Variants in USP10 observed in about 807,000 individuals in gnomAD.
USP10 encodes the protein ubiquitin carboxyl-terminal hydrolase 10.
A neutral mutation model predicts 84.5 loss-of-function variants in USP10; 22 were observed. That is an observed-to-expected ratio of 0.26 (90% CI 0.19 to 0.37). The LOEUF (loss-of-function observed/expected upper bound fraction) is 0.37. USP10 is among the 10% of genes least tolerant of loss of function. The pLI is 1.00. For missense variants in USP10, 1,019 were observed against 998.9 expected, an observed-to-expected ratio of 1.02 and a Z score of -0.27; for synonymous variants, 454 against 387.6, an observed-to-expected ratio of 1.17 and a Z score of -2.01.
chr16:84,753,424 C>G (rs1912164030), intron 4 of USP10, among the ~76,000 whole-genome samples: 1 of 152,120 alleles, frequency 6.6e-6, no homozygotes, highest in Admixed American at 6.5e-5. Context: ...TCTATTAGCT[C>G]TTTATTTTCT....
At chr16:84,723,819 T>G (rs1353201756) in intron 1 of USP10, among the ~76,000 whole-genome samples, 1 of 152,232 alleles carries the variant, frequency 6.6e-6, no homozygotes, top group African/African-American at 2.4e-5. Context: ...TGTAATCACC[T>G]CCACAATCAA....
chr16:84,764,837 A>G (rs995548498), intron 10 of USP10, among the ~76,000 whole-genome samples: 1 of 151,548 alleles, frequency 6.6e-6, no homozygotes, highest in Non-Finnish European at 1.5e-5. Flanking sequence ...CTCAAGAAAA[A>G]AAAAAGAAAA....
At chr16:84,763,122 AAG>A in intron 9 of USP10, 34 bp downstream of exon 9, 1 of 1,457,720 alleles carries the variant, frequency 6.9e-7, no homozygotes, top group Non-Finnish European at 9.6e-7. Context: ...AGAGTTGTGC[AAG>A]AGTTCGCTGT....
In USP10 at chr16:84,719,922, C is replaced by A. The variant is rs576123909; in HGVS notation, c.22-13513C>A. ...GATTCCTTCCTTAGCTAGTATACCA[C>A]TTTTTGCATTCTTTTATTTTCAACA... On this transcript the variant is annotated intron_variant, in intron 1 of 13. Transcript: ENST00000219473. 5.2e-4 allele frequency among the ~76,000 whole-genome samples: 79 copies of A among 152,314 alleles called. No homozygotes were observed. In the South Asian group the frequency reaches 0.016, roughly 31 times the overall value.
Position 84,745,113 on chromosome 16 carries a change from G to C in USP10, c.632G>C (p.Ser211Thr). The change falls in exon 4 of 14, where the codon AGC becomes ACC. Residue 211 changes from serine to threonine, a missense_variant. Physicochemically the swap from Ser to Thr is moderately conservative, Grantham distance 58 (BLOSUM62 1). Around this residue, in one of 2 missense-constraint regions of USP10, gnomAD observed 787 missense variants for 708.8 expected, o/e 1.11. Coordinates refer to ENST00000219473, the MANE Select transcript of USP10 (RefSeq NM_005153.3). The stretch of plus-strand genomic sequence containing the variant: ...TCAGTTACGCCCAGGACTTGTAACA[G>C]CCCCCAGAACTCCACAGACTCTGTC... ...PPSVTPRTCN[S>T]PQNSTDSVSD... The C allele has an allele frequency of 6.2e-7, 1 of 1,613,528 alleles. No individual in the cohort carries two copies. The highest frequency in any genetic ancestry group is 8.5e-7 in the Non-Finnish European group (1 of 1,179,620).
chr16:84,771,416 GCC>G (rs1914436708), intron 11 of USP10, among the ~76,000 whole-genome samples: 1 of 151,976 alleles, frequency 6.6e-6, no homozygotes, highest in South Asian at 2.1e-4. Flanking sequence ...AATCACCTGA[GCC>G]CAGGAAGTCA....
At chr16:84,773,156 G>T (rs559239284) in intron 12 of USP10, among the ~76,000 whole-genome samples, 1 of 152,264 alleles carries the variant, frequency 6.6e-6, no homozygotes. Context: ...GTCAGGTCAC[G>T]GGCTCGGCAC....
intron 2 of USP10, among the ~76,000 whole-genome samples, chr16:84,736,228 A>C (rs114977231): frequency 1.1e-4 from 17 of 152,336 alleles, no homozygotes; most frequent in African/African-American, 4.1e-4. Flanking sequence ...CGAATTTTTC[A>C]TATGCTTTTT....
intron 1 of USP10, among the ~76,000 whole-genome samples, chr16:84,722,492 C>T (rs1907941531): frequency 6.6e-6 from 1 of 152,154 alleles, no homozygotes; most frequent in East Asian, 1.9e-4. Context: ...TCAAAGCGGC[C>T]ATGCCGTTTT....
chr16:84,770,089 A>G (rs1224780147), intron 11 of USP10, among the ~76,000 whole-genome samples: 1 of 152,178 alleles, frequency 6.6e-6, no homozygotes, highest in Non-Finnish European at 1.5e-5. Flanking sequence ...AGCCTGTGCG[A>G]TAGTGAAACC....
chr16:84,750,863 G>GCAATGT (rs1160664321), intron 4 of USP10, among the ~76,000 whole-genome samples: 1 of 152,156 alleles, frequency 6.6e-6, no homozygotes, highest in East Asian at 1.9e-4. Flanking sequence ...GAGGTATCTA[G>GCAATGT]CAATGTCATT....
rs554308265 is a variant in USP10 at position 84,703,030 on chromosome 16, C to T, written c.21+2919C>T. On this transcript the variant is annotated intron_variant, in intron 1 of 13. Coordinates refer to ENST00000219473, the MANE Select transcript of USP10 (RefSeq NM_005153.3). ...AAAAAAAAAGAGCGAAACTCCATCT[C>T]AAAATAAATAAAAAAGTTTATAGGT... Among the ~76,000 whole-genome samples, 3 of 139,014 alleles carry T rather than the reference C, an allele frequency of 2.2e-5. No individual in the cohort carries two copies. In the South Asian group the frequency reaches 6.8e-4, roughly 31 times the overall value. 91.2% of individuals were successfully genotyped at this position (139,014 alleles called of 152,430 possible).
At chr16:84,716,038 G>C (rs1279381971) in intron 1 of USP10, among the ~76,000 whole-genome samples, 3 of 152,136 alleles carry the variant, frequency 2.0e-5, no homozygotes. Flanking sequence ...GTGGCGAGGA[G>C]GGTGGTATGC....
intron 1 of USP10, among the ~76,000 whole-genome samples, chr16:84,704,548 GTCTT>G (rs1006439770): frequency 2.0e-5 from 3 of 152,162 alleles, no homozygotes; most frequent in Non-Finnish European, 2.9e-5. Context: ...CTCCCAAAAG[GTCTT>G]TCTTTGACCA....
intron 12 of USP10, among the ~76,000 whole-genome samples, chr16:84,773,223 C>G (rs1001912685): frequency 6.6e-6 from 1 of 152,168 alleles, no homozygotes; most frequent in East Asian, 1.9e-4. Flanking sequence ...AAAAGCACAG[C>G]TTCAAGAAGA....
chr16:84,700,178 G>T, intron 1 of USP10, 67 bp downstream of exon 1: 1 of 1,147,510 alleles, frequency 8.7e-7, no homozygotes, highest in Middle Eastern at 3.7e-4. Flanking sequence ...GCCGCGGCGG[G>T]CGGGCGTCCG....
In USP10 at chr16:84,745,328, G is replaced by A. The variant is rs749910061; in HGVS notation, c.847G>A (p.Gly283Arg). 3 of 1,612,884 alleles carry A rather than the reference G, an allele frequency of 1.9e-6. No homozygotes were observed. Among genetic ancestry groups the A allele is most frequent in the Non-Finnish European group, 2.5e-6 (3 of 1,179,732 alleles). ...TGGTACCGATACTACTGAAAACCTTGGAGTTGCTAATGGACAAATACTTGA... is the reference window on the plus strand; with the variant it reads ...TGGTACCGATACTACTGAAAACCTTAGAGTTGCTAATGGACAAATACTTGA... Reference protein sequence around the residue: ...CVGTDTTENLGVANGQILESS... With the variant: ...CVGTDTTENLRVANGQILESS... Residue 283 changes from glycine (G) to arginine (R), a missense_variant, in exon 4 of 14, where the codon GGA becomes AGA. Gly to Arg is a moderately radical substitution (Grantham distance 125). Coordinates refer to ENST00000219473, the MANE Select transcript of USP10 (RefSeq NM_005153.3).
chr16:84,773,548 A>G (rs1489359740), intron 12 of USP10, among the ~76,000 whole-genome samples: 1 of 152,162 alleles, frequency 6.6e-6, no homozygotes, highest in Non-Finnish European at 1.5e-5. Context: ...GTGAAGACTC[A>G]GACACTGTCT....
intron 4 of USP10, among the ~76,000 whole-genome samples, chr16:84,757,775 T>G (rs1193868915): frequency 6.6e-6 from 1 of 152,192 alleles, no homozygotes. Context: ...CTATGCTACC[T>G]GGCTCCTGTG....
Sources: gnomAD v4.1 joint callset for allele counts (sites outside exome capture counted in the v4.1 genomes callset) on GRCh38, gnomAD v4.1.1 for gene constraint, gnomAD v4.1.1 regional missense constraint, MANE v1.5 for transcripts, NCBI Gene and HGNC (gene_info 2026-07-23, HGNC 2026-07-21) for gene names.